The following MIGA1 variants were observed in gnomAD, a reference collection of about 807,000 sequenced individuals.
MIGA1 encodes mitoguardin 1.
A neutral mutation model predicts 82.0 loss-of-function variants in MIGA1; 58 were observed. The ratio of observed to expected loss-of-function variants is 0.71; its 90% CI spans 0.57 to 0.88. The LOEUF is 0.88. MIGA1 is among the 40% of genes least tolerant of loss of function. MIGA1 has a pLI of 0.00. For missense variants in MIGA1, 751 were observed against 749.1 expected (o/e 1.00, Z -0.03); for synonymous variants, 249 against 253.6 (o/e 0.98, Z 0.17).
intron 7 of MIGA1, among the ~76,000 whole-genome samples, chr1:77,837,556 A>T (rs1382869009): frequency 6.6e-6 from 1 of 152,186 alleles, no homozygotes; most frequent in Non-Finnish European, 1.5e-5. Context: ...TATTGTGGGG[A>T]TTGAAAATAA....
At chr1:77,843,136 C>T (rs1282120211) in intron 7 of MIGA1, among the ~76,000 whole-genome samples, 171 bp from the exon 8 acceptor site, 1 of 152,196 alleles carries the variant, frequency 6.6e-6, no homozygotes, top group African/African-American at 2.4e-5. Context: ...ATTGTCTCCC[C>T]TACTTGTCAG....
At chr1:77,797,315 G>A (rs1252588449) in intron 2 of MIGA1, among the ~76,000 whole-genome samples, 1 of 152,140 alleles carries the variant, frequency 6.6e-6, no homozygotes, top group Non-Finnish European at 1.5e-5. Context: ...AAAATAGATT[G>A]ACTATATGTT....
chr1:77,872,118 C>T lies in MIGA1; in HGVS notation c.1564-886C>T, dbSNP rs117032285. On this transcript the variant is annotated intron_variant, in intron 14 of 15. Transcript: ENST00000370791. ...GAGTAGCTAGGACTATAGGTACACA[C>T]CACCATGCCTGGCTAACTTTTGTAT... Among the ~76,000 whole-genome samples the T allele has an allele frequency of 4.6e-3, 703 of 152,250 alleles. 45 individuals carry two copies. The East Asian group carries it at 0.11, about 24-fold the overall frequency.
intron 2 of MIGA1, among the ~76,000 whole-genome samples, chr1:77,793,957 TTTA>T (rs1230824597): frequency 2.6e-5 from 4 of 151,260 alleles, no homozygotes; most frequent in African/African-American, 7.3e-5. Context: ...TGGCTAATTT[TTTA>T]TTATTTTTTG....
chr1:77,842,403 A>C (rs1684660810), intron 7 of MIGA1, among the ~76,000 whole-genome samples: 1 of 152,186 alleles, frequency 6.6e-6, no homozygotes, highest in Non-Finnish European at 1.5e-5. Flanking sequence ...CAACCTTTTA[A>C]AATTTTGGGG....
chr1:77,801,070 G>T (rs1682861813), intron 2 of MIGA1, among the ~76,000 whole-genome samples: 1 of 151,996 alleles, frequency 6.6e-6, no homozygotes, highest in African/African-American at 2.4e-5. Context: ...TATTAACGGG[G>T]TTGAATTATT....
chr1:77,871,214 G>A (rs1685988787), intron 14 of MIGA1, among the ~76,000 whole-genome samples: 3 of 151,804 alleles, frequency 2.0e-5, no homozygotes, highest in Admixed American at 2.0e-4. Flanking sequence ...TTAAAAATGA[G>A]GTTTAGGCCC....
chr1:77,818,040 C>T (rs1683640265), intron 7 of MIGA1, among the ~76,000 whole-genome samples: 1 of 149,854 alleles, frequency 6.7e-6, no homozygotes, highest in Non-Finnish European at 1.5e-5. Flanking sequence ...ACTACAGCCT[C>T]TGCCTCCTGG....
chr1:77,826,764 C>G (rs1557914572), intron 7 of MIGA1, among the ~76,000 whole-genome samples: 2 of 150,516 alleles, frequency 1.3e-5, no homozygotes, highest in Non-Finnish European at 3.0e-5. Flanking sequence ...CATGAGCCAC[C>G]ATGCCAGGTC....
At chr1:77,864,247 G>A (rs960970348) in intron 13 of MIGA1, among the ~76,000 whole-genome samples, 1 of 151,742 alleles carries the variant, frequency 6.6e-6, no homozygotes, top group Non-Finnish European at 1.5e-5. Context: ...GCGGGCACCT[G>A]TAATCCCAGC....
intron 8 of MIGA1, among the ~76,000 whole-genome samples, chr1:77,845,306 G>T (rs955663962): frequency 6.6e-6 from 1 of 152,076 alleles, no homozygotes; most frequent in African/African-American, 2.4e-5. Flanking sequence ...ATACATATTT[G>T]TCTTTCTATT....
chr1:77,793,076 C>A (rs546231557), intron 2 of MIGA1, among the ~76,000 whole-genome samples: 1 of 152,208 alleles, frequency 6.6e-6, no homozygotes, highest in East Asian at 1.9e-4. Context: ...CAGGCATGAG[C>A]CACAGCACCC....
intron 8 of MIGA1, among the ~76,000 whole-genome samples, chr1:77,850,766 A>G (rs747170118): frequency 2.0e-4 from 30 of 152,090 alleles, no homozygotes; most frequent in Admixed American, 9.8e-4. Flanking sequence ...ATCCCCAAAC[A>G]CAGTTTTCAC....
chr1:77,783,004 CTTTT>C, intron 1 of MIGA1: 2 of 280,950 alleles, frequency 7.1e-6, no homozygotes, highest in African/African-American at 2.4e-5. Flanking sequence ...TTAAATCTAG[CTTTT>C]TTTTTTTTTT....
intron 8 of MIGA1, among the ~76,000 whole-genome samples, chr1:77,851,687 T>C (rs1685056701): frequency 6.6e-6 from 1 of 152,172 alleles, no homozygotes; most frequent in East Asian, 1.9e-4. Context: ...CATGATATAT[T>C]CTCACAGCTG....
At chr1:77,790,859 A>T (rs571101856) in intron 2 of MIGA1, among the ~76,000 whole-genome samples, 1 of 152,232 alleles carries the variant, frequency 6.6e-6, no homozygotes, top group Non-Finnish European at 1.5e-5. Flanking sequence ...AAGTGCTGGG[A>T]TTACAGGTGT....
rs371027943 is a variant in MIGA1, at chr1:77,858,927, C to T, written c.997-11C>T. On this transcript the variant is annotated splice_polypyrimidine_tract_variant and intron_variant, in intron 8 of 15. Transcript: ENST00000370791. ...TAGCCTGTATTCTGTTCTAACCCAC[C>T]GTGCTCTTAGCTTGCAGAACACAGA... 5 of 1,510,344 alleles carry T rather than the reference C, an allele frequency of 3.3e-6. No individual in the cohort carries two copies. Among genetic ancestry groups the T allele is most frequent in the African/African-American group, 1.4e-5 (1 of 72,762 alleles). 93.6% of individuals were successfully genotyped at this position (1,510,344 alleles called of 1,614,324 possible).
chr1:77,865,763 CTTTG>C (rs1047648451), intron 13 of MIGA1, among the ~76,000 whole-genome samples: 7 of 150,110 alleles, frequency 4.7e-5, no homozygotes, highest in African/African-American at 1.5e-4. Flanking sequence ...CCTTTAGTGG[CTTTG>C]TGTTTAATTT....
At chr1:77,841,544 A>G (rs535545446) in intron 7 of MIGA1, among the ~76,000 whole-genome samples, 1 of 151,264 alleles carries the variant, frequency 6.6e-6, no homozygotes, top group East Asian at 2.0e-4. Context: ...TAAACATTTA[A>G]TTGAAGCCAG....
Sources: gnomAD v4.1 joint callset for allele counts (sites outside exome capture counted in the v4.1 genomes callset) on GRCh38, gnomAD v4.1.1 for gene constraint, MANE v1.5 for transcripts, NCBI Gene and HGNC (gene_info 2026-07-23, HGNC 2026-07-21) for gene names.